The following ATP2B2 variants were observed in gnomAD, a reference collection of about 807,000 sequenced individuals.
The protein encoded by ATP2B2 is plasma membrane calcium-transporting ATPase 2.
In ATP2B2, 15 loss-of-function variants were observed where a neutral mutation model predicts 120.0. That is an observed-to-expected ratio of 0.12 (90% CI 0.08 to 0.19). The LOEUF (loss-of-function observed/expected upper bound fraction) is 0.19, where lower values mean the gene tolerates loss of function less well. Among genes scored for constraint, ATP2B2 ranks in the 10% least tolerant of loss-of-function variants. The pLI, the probability that ATP2B2 is intolerant of heterozygous loss-of-function variation, is 1.00. For synonymous variants in ATP2B2, 694 were observed against 700.3 expected (o/e 0.99, Z 0.14); for missense variants, 1,045 against 1,719.8 (o/e 0.61, Z 6.94).
Position 10,342,709 on chromosome 3 carries a change from G to A in ATP2B2, c.2917+43C>T. On this transcript the variant is annotated intron_variant, in intron 19 of 22. Coordinates refer to ENST00000360273, the MANE Select transcript of ATP2B2 (RefSeq NM_001001331.4). The surrounding 1 kb of genome is among the most constrained non-coding windows in gnomAD (Gnocchi z 4.4). Reference sequence around the variant, plus strand: ...GAGAGCCATGGTGCACCCAGAAGGTGATGACCCCGCCTGGGAGAGGCGTGG... The same window carrying A: ...GAGAGCCATGGTGCACCCAGAAGGTAATGACCCCGCCTGGGAGAGGCGTGG... 1.2e-6 allele frequency: 2 copies of A among 1,605,418 alleles called. No homozygotes were observed. The highest frequency in any genetic ancestry group is 8.5e-7 in the Non-Finnish European group (1 of 1,172,786).
At chr3:10,657,624 C>A (rs878979413) in intron 1 of ATP2B2, among the ~76,000 whole-genome samples, 6 of 152,226 alleles carry the variant, frequency 3.9e-5, no homozygotes, top group African/African-American at 1.4e-4. Context: ...TGGAGCCCAC[C>A]GCAGCTCAAG....
At chr3:10,419,358 G>A (rs2062894644) in intron 2 of ATP2B2, among the ~76,000 whole-genome samples, 1 of 152,252 alleles carries the variant, frequency 6.6e-6, no homozygotes, top group Non-Finnish European at 1.5e-5. Flanking sequence ...ATGATGTGTG[G>A]AAATAGTGCT....
intron 2 of ATP2B2, among the ~76,000 whole-genome samples, chr3:10,431,635 G>T (rs191479421): frequency 3.5e-4 from 54 of 152,254 alleles, no homozygotes; most frequent in African/African-American, 1.3e-3. Flanking sequence ...CAAGCCCCAT[G>T]AGGGCAGAGA....
intron 2 of ATP2B2, among the ~76,000 whole-genome samples, chr3:10,549,861 G>GGAGGGGCCCACT (rs1398351482): frequency 6.6e-6 from 1 of 152,202 alleles, no homozygotes; most frequent in Non-Finnish European, 1.5e-5. Flanking sequence ...CCAGCACAGG[G>GGAGGGGCCCACT]GAGGGGCCCA....
chr3:10,678,679 C>T (rs953859338), intron 1 of ATP2B2, among the ~76,000 whole-genome samples: 1 of 152,154 alleles, frequency 6.6e-6, no homozygotes, highest in Non-Finnish European at 1.5e-5. Flanking sequence ...GGGATCCCGG[C>T]CCCACCTACC....
intron 1 of ATP2B2, among the ~76,000 whole-genome samples, chr3:10,641,819 G>C (rs2070179195): frequency 6.6e-6 from 1 of 152,044 alleles, no homozygotes; most frequent in Admixed American, 6.5e-5. Context: ...CACTGTGTCT[G>C]GTTGACTCAT....
At chr3:10,330,874 C>T (rs993206652) in intron 22 of ATP2B2, among the ~76,000 whole-genome samples, 1 of 152,216 alleles carries the variant, frequency 6.6e-6, no homozygotes, top group Admixed American at 6.5e-5. Flanking sequence ...GTCATACGCT[C>T]CTCTGACTTC....
At chr3:10,408,384 G>A (rs937310474) in intron 3 of ATP2B2, among the ~76,000 whole-genome samples, 4 of 152,168 alleles carry the variant, frequency 2.6e-5, no homozygotes, top group Non-Finnish European at 4.4e-5. Flanking sequence ...GATTGATGGA[G>A]CCCCAGCCTG....
rs533707797 is a variant in ATP2B2 at position 10,492,687 on chromosome 3, T to G, written c.-320+12778A>C. Among the ~76,000 whole-genome samples, 192 of 152,292 alleles carry G rather than the reference T, an allele frequency of 1.3e-3. 2 individuals carry two copies. The highest frequency in any genetic ancestry group is 1.7e-3 in the Non-Finnish European group (114 of 68,018). The stretch of plus-strand genomic sequence containing the variant: ...ATGCTCTCCCTCTCACCCCGCTTCC[T>G]TCTCCCTCTGGGGTGTCCAGAGAGA... On this transcript the variant is annotated intron_variant, in intron 1 of 22. Coordinates refer to ENST00000360273, the MANE Select transcript of ATP2B2 (RefSeq NM_001001331.4).
chr3:10,552,083 G>C lies in ATP2B2; in HGVS notation c.-414-17950C>G, dbSNP rs143825816. Among the ~76,000 whole-genome samples, 11 of 152,352 alleles carry C rather than the reference G, an allele frequency of 7.2e-5. No individual in the cohort carries two copies. The East Asian group carries it at 2.1e-3, about 29-fold the overall frequency. On this transcript the variant is annotated intron_variant, in intron 2 of 21. Coordinates refer to the ATP2B2 transcript ENST00000646379. Reference sequence around the variant, plus strand: ...CTCACTGTGCCTATCCTGGGGCCCAGTTTTGGCTTTCTAGAGCTCGCCTGT... The same window carrying C: ...CTCACTGTGCCTATCCTGGGGCCCACTTTTGGCTTTCTAGAGCTCGCCTGT...
intron 1 of ATP2B2, among the ~76,000 whole-genome samples, chr3:10,470,969 G>A (rs1020979353): frequency 2.0e-5 from 3 of 152,222 alleles, no homozygotes; most frequent in African/African-American, 7.2e-5. Flanking sequence ...TTGCCTCAGA[G>A]CGATGGCTGG....
At chr3:10,361,511 T>C (rs1559559676) in intron 12 of ATP2B2, among the ~76,000 whole-genome samples, 1 of 152,250 alleles carries the variant, frequency 6.6e-6, no homozygotes, top group Non-Finnish European at 1.5e-5. Context: ...TGCTTCATGC[T>C]GGCCCTGTGC....
chr3:10,644,438 A>G (rs1485085346), intron 1 of ATP2B2, among the ~76,000 whole-genome samples: 1 of 152,216 alleles, frequency 6.6e-6, no homozygotes, highest in East Asian at 1.9e-4. Context: ...GAAAACAGGG[A>G]CTCAAACAAA....
chr3:10,617,407 A>G (rs2069421419), intron 2 of ATP2B2, among the ~76,000 whole-genome samples: 1 of 152,264 alleles, frequency 6.6e-6, no homozygotes, highest in African/African-American at 2.4e-5. Context: ...CCTATAGTCA[A>G]TACAAGAAAG....
chr3:10,641,042 G>A (rs2070156793), intron 1 of ATP2B2, among the ~76,000 whole-genome samples: 1 of 152,184 alleles, frequency 6.6e-6, no homozygotes, highest in South Asian at 2.1e-4. Context: ...GAGGGATTGG[G>A]GTACACCCAG....
At chr3:10,453,816 A>C (rs2125203211) in intron 1 of ATP2B2, among the ~76,000 whole-genome samples, 1 of 152,254 alleles carries the variant, frequency 6.6e-6, no homozygotes, top group Non-Finnish European at 1.5e-5. Context: ...TACTGTGATA[A>C]GATGAAAAAT....
chr3:10,539,364 A>G (rs2067384080), intron 2 of ATP2B2, among the ~76,000 whole-genome samples: 1 of 152,236 alleles, frequency 6.6e-6, no homozygotes, highest in Non-Finnish European at 1.5e-5. Flanking sequence ...CAGAATTGGA[A>G]AAAACTGCTT....
chr3:10,665,342 C>A (rs1169415161), intron 1 of ATP2B2, among the ~76,000 whole-genome samples: 1 of 152,224 alleles, frequency 6.6e-6, no homozygotes, highest in Non-Finnish European at 1.5e-5. Flanking sequence ...ATCCTTCAGA[C>A]CTCCATTCAG....
intron 6 of ATP2B2, among the ~76,000 whole-genome samples, chr3:10,386,894 T>C (rs1285785166): frequency 1.3e-5 from 2 of 152,238 alleles, no homozygotes; most frequent in African/African-American, 2.4e-5. Context: ...TCTGGGGCAG[T>C]TGACACTTGT....
Sources: gnomAD v4.1 joint callset for allele counts (sites outside exome capture counted in the v4.1 genomes callset) on GRCh38, gnomAD v4.1.1 for gene constraint, Gnocchi (gnomAD v3.1) non-coding constraint, MANE v1.5 for transcripts, NCBI Gene and HGNC (gene_info 2026-07-23, HGNC 2026-07-21) for gene names.